The following MRTFB variants were observed in gnomAD, a reference collection of about 807,000 sequenced individuals.
The protein encoded by MRTFB is myocardin related transcription factor B.
MRTFB carries 29 observed loss-of-function variants against 104.2 expected under a neutral mutation model. The ratio of observed to expected loss-of-function variants is 0.28; its 90% CI spans 0.21 to 0.38. MRTFB has a LOEUF of 0.38. MRTFB is among the 10% of genes least tolerant of loss of function. MRTFB has a pLI of 1.00. For missense variants in MRTFB, 1,270 were observed against 1,341.6 expected, an observed-to-expected ratio of 0.95 and a Z score of 0.83; for synonymous variants, 535 against 519.5, an observed-to-expected ratio of 1.03 and a Z score of -0.41.
rs555567497 is a variant in MRTFB at position 14,120,540 on chromosome 16, A to G, written c.-63-20004A>G. Among the ~76,000 whole-genome samples the G allele has an allele frequency of 2.6e-5, 4 of 152,338 alleles. No individual in the cohort carries two copies. The South Asian group carries it at 6.2e-4, about 24-fold the overall frequency. On this transcript the variant is annotated intron_variant, in intron 2 of 16. Coordinates refer to ENST00000571589, the MANE Select transcript of MRTFB (RefSeq NM_001308142.2). ...CACAAGCCAGTGTCACTGATTGCAT[A>G]GTCTTATCTTTTTCCCCACTGATTT...
the MRTFB span, among the ~76,000 whole-genome samples, chr16:14,038,347 A>G: frequency 3.3e-5 from 5 of 152,126 alleles, no homozygotes; most frequent in African/African-American, 1.2e-4. Flanking sequence ...CTGAAGTGCT[A>G]TGGGTTAGGA....
Position 14,264,978 on chromosome 16 carries a change from T to C in MRTFB, c.*3534T>C, listed in dbSNP as rs903573791. Reference sequence around the variant, plus strand: ...ACAGCTATCCCCACAAGTGATGAGATAGTCCCTTTACTGTCCTCAAATGGA... The same window carrying C: ...ACAGCTATCCCCACAAGTGATGAGACAGTCCCTTTACTGTCCTCAAATGGA... On this transcript the variant is annotated 3_prime_UTR_variant, in exon 17 of 17. Transcript: ENST00000571589. The C allele has an allele frequency of 3.3e-5, 5 of 152,240 alleles. No individual in the cohort carries two copies. The highest frequency in any genetic ancestry group is 3.3e-4 in the Admixed American group (5 of 15,282). 9.4% of individuals were successfully genotyped at this position (152,240 alleles called of 1,614,324 possible).
the MRTFB span, among the ~76,000 whole-genome samples, chr16:14,005,040 A>G: frequency 7.9e-5 from 12 of 152,350 alleles, no homozygotes; most frequent in Admixed American, 3.9e-4. Flanking sequence ...AGGAGCCTGC[A>G]TGACTGGAGG....
At chr16:14,066,861 G>C (rs922168569), upstream of MRTFB, among the ~76,000 whole-genome samples, 1 of 152,014 alleles carries the variant, frequency 6.6e-6, no homozygotes, top group Admixed American at 6.5e-5. Flanking sequence ...TGTAGAGACA[G>C]GGTATCATTA....
chr16:14,218,160 T>C (rs226787), intron 7 of MRTFB, among the ~76,000 whole-genome samples: 38,042 of 151,948 alleles, frequency 0.25, 7,978 homozygotes, highest in African/African-American at 0.57. Flanking sequence ...CCCGGGTTCA[T>C]GCCATTCTCC....
the MRTFB span, among the ~76,000 whole-genome samples, chr16:14,065,557 C>T: frequency 6.6e-6 from 1 of 152,026 alleles, no homozygotes; most frequent in Non-Finnish European, 1.5e-5. Context: ...GGGAATGCTT[C>T]CTGCTTTTGC....
In MRTFB at chr16:14,143,459, A is replaced by G. The variant is rs1597052971; in HGVS notation, c.154+2699A>G. On this transcript the variant is annotated intron_variant, in intron 3 of 16. Coordinates refer to ENST00000571589, the MANE Select transcript of MRTFB (RefSeq NM_001308142.2). ...ATGGAGGTGCATGTTTTAGACACAA[A>G]TAATCTTCCCGGTATCTTTGAATAA... 4 of 151,922 alleles carry G rather than the reference A, an allele frequency of 2.6e-5. 1 individual carries two copies. In the Middle Eastern group the frequency reaches 0.014, roughly 520 times the overall value. The allele number at this position is 151,922 out of a possible 1,614,324, so 9.4% of individuals were successfully genotyped here. A position where few individuals can be genotyped will look rare whatever the true frequency, so the allele number is the denominator to read the frequency against.
chr16:14,115,941 AG>A (rs756933811), intron 2 of MRTFB, among the ~76,000 whole-genome samples: 62 of 152,258 alleles, frequency 4.1e-4, no homozygotes, highest in South Asian at 1.9e-3. Context: ...CCTGGATCAC[AG>A]GGGCCTCCTC....
intron 2 of MRTFB, among the ~76,000 whole-genome samples, chr16:14,082,033 T>C (rs183180153): frequency 6.6e-6 from 1 of 152,236 alleles, no homozygotes; most frequent in Admixed American, 6.5e-5. Flanking sequence ...ATACAGAAGC[T>C]TATTAATTTG....
intron 2 of MRTFB, among the ~76,000 whole-genome samples, chr16:14,135,250 A>G (rs2037650093): frequency 6.6e-6 from 1 of 152,084 alleles, no homozygotes; most frequent in African/African-American, 2.4e-5. Flanking sequence ...CACCTCTTTA[A>G]TCTTTACCTT....
chr16:14,209,145 C>T (rs952011002), intron 3 of MRTFB, among the ~76,000 whole-genome samples: 7 of 152,214 alleles, frequency 4.6e-5, no homozygotes, highest in African/African-American at 9.7e-5. Flanking sequence ...ATGGAGGCCA[C>T]GTGCCTGCGT....
At chr16:14,045,350 C>T in the MRTFB span, among the ~76,000 whole-genome samples, 3 of 152,164 alleles carry the variant, frequency 2.0e-5, no homozygotes, top group Non-Finnish European at 2.9e-5. Flanking sequence ...GCCTAGATCC[C>T]GACACAGCTG....
chr16:14,031,877 G>A, the MRTFB span, among the ~76,000 whole-genome samples: 2 of 152,088 alleles, frequency 1.3e-5, no homozygotes, highest in African/African-American at 2.4e-5. Context: ...GCATGATCTC[G>A]GCTCTCTGCA....
At chr16:13,999,314 TCCTTTTGGGGACAATGC>T in the MRTFB span, among the ~76,000 whole-genome samples, 1 of 152,038 alleles carries the variant, frequency 6.6e-6, no homozygotes, top group East Asian at 1.9e-4. Context: ...CATATTTCTT[TCCTTTTGGGGACAATGC>T]CCTTCAGGAA....
intron 2 of MRTFB, among the ~76,000 whole-genome samples, chr16:14,129,703 C>G (rs895909147): frequency 1.3e-5 from 2 of 152,130 alleles, no homozygotes; most frequent in Non-Finnish European, 2.9e-5. Context: ...CCAACACTTG[C>G]TTTTGTCTGT....
At chr16:14,175,748 T>C (rs1004589359) in intron 3 of MRTFB, among the ~76,000 whole-genome samples, 5 of 152,138 alleles carry the variant, frequency 3.3e-5, no homozygotes, top group Non-Finnish European at 7.4e-5. Context: ...AAACAAAATA[T>C]GGTATATCCA....
the MRTFB span, among the ~76,000 whole-genome samples, chr16:14,010,614 T>A: frequency 6.6e-6 from 1 of 152,038 alleles, no homozygotes; most frequent in Admixed American, 6.6e-5. Context: ...TTTATACAGA[T>A]GAGGTCTCCC....
At chr16:14,201,854 C>T (rs998065999) in intron 3 of MRTFB, among the ~76,000 whole-genome samples, 1 of 152,000 alleles carries the variant, frequency 6.6e-6, no homozygotes, top group Non-Finnish European at 1.5e-5. Context: ...GTAAATTATG[C>T]ATTTGTATTA....
chr16:14,225,715 G>C (rs1283339274), intron 8 of MRTFB, among the ~76,000 whole-genome samples: 1 of 151,510 alleles, frequency 6.6e-6, no homozygotes. Flanking sequence ...ATTTTGTAGA[G>C]ACAGGGTTTC....
Sources: gnomAD v4.1 joint callset for allele counts (sites outside exome capture counted in the v4.1 genomes callset) on GRCh38, gnomAD v4.1.1 for gene constraint, MANE v1.5 for transcripts, NCBI Gene and HGNC (gene_info 2026-07-23, HGNC 2026-07-21) for gene names.